The following CREB5 variants were observed in gnomAD, a reference collection of about 807,000 sequenced individuals.
The protein encoded by CREB5 is cAMP responsive element binding protein 5.
A neutral mutation model predicts 57.1 loss-of-function variants in CREB5; 19 were observed. The observed-to-expected ratio is 0.33, with a 90% CI of 0.23 to 0.49. The LOEUF (loss-of-function observed/expected upper bound fraction) is 0.49. CREB5 is among the 20% of genes least tolerant of loss of function. The pLI is 0.99. For missense variants in CREB5, 579 were observed against 671.6 expected (o/e 0.86, Z 1.52); for synonymous variants, 238 against 238.3 (o/e 1.00, Z 0.01).
At chr7:28,581,627 A>C (rs191953192) in intron 5 of CREB5, among the ~76,000 whole-genome samples, 1 of 152,338 alleles carries the variant, frequency 6.6e-6, no homozygotes, top group East Asian at 1.9e-4. Context: ...CAGACCCTCA[A>C]GAGCTTCCTA....
chr7:28,642,143 GT>G (rs1562544075), intron 5 of CREB5, among the ~76,000 whole-genome samples: 1 of 152,092 alleles, frequency 6.6e-6, no homozygotes, highest in Admixed American at 6.5e-5. Context: ...GCATGAACTG[GT>G]TTTTTTCTTT....
intron 7 of CREB5, among the ~76,000 whole-genome samples, chr7:28,769,738 G>A (rs554882720): frequency 6.6e-6 from 1 of 152,246 alleles, no homozygotes; most frequent in East Asian, 1.9e-4. Context: ...TATGACCATG[G>A]CTAAAATGAA....
chr7:28,616,767 T>A (rs1275584185), intron 5 of CREB5, among the ~76,000 whole-genome samples: 1 of 152,346 alleles, frequency 6.6e-6, no homozygotes. Flanking sequence ...TTAAACAGTT[T>A]ATGATTTTCA....
chr7:28,528,083 G>A (rs986632843), intron 4 of CREB5, among the ~76,000 whole-genome samples: 2 of 152,152 alleles, frequency 1.3e-5, no homozygotes, highest in Non-Finnish European at 2.9e-5. Flanking sequence ...CTTACTAAAT[G>A]GAAAGCATGT....
intron 5 of CREB5, among the ~76,000 whole-genome samples, chr7:28,637,817 T>C (rs160363): frequency 0.086 from 13,085 of 152,296 alleles, 654 homozygotes; most frequent in Non-Finnish European, 0.11. Flanking sequence ...GTTTAAACAA[T>C]GCATTTATAG....
upstream of CREB5, among the ~76,000 whole-genome samples, chr7:28,408,881 G>C (rs552267102): frequency 1.7e-3 from 261 of 152,168 alleles, no homozygotes; most frequent in African/African-American, 6.0e-3. Context: ...ATCCTCCGGT[G>C]GGGGAGGGAG....
chr7:28,680,764 A>T (rs1447181696), intron 5 of CREB5, among the ~76,000 whole-genome samples: 3 of 119,582 alleles, frequency 2.5e-5, no homozygotes, highest in Non-Finnish European at 3.6e-5. Flanking sequence ...GTATCAACCT[A>T]TCTCAAAAAA....
intron 4 of CREB5, among the ~76,000 whole-genome samples, chr7:28,508,555 G>C (rs1013028671): frequency 2.0e-5 from 3 of 152,194 alleles, no homozygotes; most frequent in Non-Finnish European, 4.4e-5. Context: ...ATCCGGAAAA[G>C]AAATTTTAAA....
At chr7:28,754,443 G>T (rs1195922927) in intron 7 of CREB5, among the ~76,000 whole-genome samples, 2 of 152,168 alleles carry the variant, frequency 1.3e-5, no homozygotes, top group Non-Finnish European at 2.9e-5. Context: ...TTGGCCACCT[G>T]TTCTCAAAGG....
At chr7:28,714,590 G>A (rs1027287589) in intron 5 of CREB5, among the ~76,000 whole-genome samples, 9 of 152,152 alleles carry the variant, frequency 5.9e-5, no homozygotes, top group African/African-American at 1.7e-4. Flanking sequence ...AACATCCTTC[G>A]GGGGGAAAAA....
chr7:28,748,288 G>T (rs1804789389), intron 7 of CREB5, among the ~76,000 whole-genome samples: 1 of 152,158 alleles, frequency 6.6e-6, no homozygotes. Flanking sequence ...TGTGATCTGT[G>T]GGTATGTCAG....
intron 5 of CREB5, among the ~76,000 whole-genome samples, chr7:28,672,182 A>ACCAC (rs1554283282): frequency 1.1e-5 from 1 of 92,284 alleles, no homozygotes; most frequent in Non-Finnish European, 2.7e-5. Flanking sequence ...ATGGAAAAAA[A>ACCAC]AAAAAAACAC....
chr7:28,479,900 C>T (rs528386180), intron 1 of CREB5, among the ~76,000 whole-genome samples: 36 of 152,272 alleles, frequency 2.4e-4, no homozygotes, highest in Admixed American at 1.8e-3. Flanking sequence ...TGGTAGCTCA[C>T]ATTCATGCAG....
chr7:28,674,340 T>C (rs1800216636), intron 5 of CREB5, among the ~76,000 whole-genome samples: 1 of 152,204 alleles, frequency 6.6e-6, no homozygotes, highest in Non-Finnish European at 1.5e-5. Flanking sequence ...GAATAGTTGA[T>C]GTCTAACAAA....
chr7:28,554,143 C>CTAAATGATTT (rs1794774167), intron 4 of CREB5, among the ~76,000 whole-genome samples: 1 of 152,192 alleles, frequency 6.6e-6, no homozygotes, highest in South Asian at 2.1e-4. Context: ...AAATGACACT[C>CTAAATGATTT]TCTAAAATCA....
At chr7:28,807,443 C>T (rs990097516) in intron 8 of CREB5, among the ~76,000 whole-genome samples, 9 of 152,172 alleles carry the variant, frequency 5.9e-5, no homozygotes, top group African/African-American at 1.7e-4. Flanking sequence ...AGAGAGACTC[C>T]GTCTCAAGAA....
chr7:28,494,131 G>A (rs560831232), intron 2 of CREB5, among the ~76,000 whole-genome samples: 152 of 152,234 alleles, frequency 1.0e-3, no homozygotes, highest in Admixed American at 3.7e-3. Flanking sequence ...ACACTGTTGT[G>A]TAAAACATTA....
intron 5 of CREB5, among the ~76,000 whole-genome samples, chr7:28,570,904 AAC>A (rs1795674762): frequency 6.6e-6 from 1 of 152,098 alleles, no homozygotes; most frequent in Non-Finnish European, 1.5e-5. Flanking sequence ...CCTTGTCTCC[AAC>A]AGAGTGTGCC....
chr7:28,441,052 T>C (rs1789165909), intron 1 of CREB5, among the ~76,000 whole-genome samples: 1 of 152,236 alleles, frequency 6.6e-6, no homozygotes, highest in South Asian at 2.1e-4. Flanking sequence ...TTAATTCATA[T>C]GGTTTTGATT....
Sources: gnomAD v4.1 joint callset for allele counts (sites outside exome capture counted in the v4.1 genomes callset) on GRCh38, gnomAD v4.1.1 for gene constraint, MANE v1.5 for transcripts, NCBI Gene and HGNC (gene_info 2026-07-23, HGNC 2026-07-21) for gene names.